Variants in ATPSCKMT observed in about 807,000 individuals in gnomAD.
ATPSCKMT encodes the protein ATP synthase subunit C lysine N-methyltransferase.
A neutral mutation model predicts 24.3 loss-of-function variants in ATPSCKMT; 24 were observed. The ratio of observed to expected loss-of-function variants is 0.99; its 90% CI spans 0.71 to 1.39. The LOEUF (loss-of-function observed/expected upper bound fraction) is 1.39, where lower values mean the gene tolerates loss of function less well. ATPSCKMT is among the 40% of genes most tolerant of loss of function. The pLI is 0.00. For synonymous variants in ATPSCKMT, 95 were observed against 110.5 expected, an observed-to-expected ratio of 0.86 and a Z score of 0.88; for missense variants, 311 against 298.4, an observed-to-expected ratio of 1.04 and a Z score of -0.31.
chr5:10,245,263 C>G (rs972323991), intron 1 of ATPSCKMT, among the ~76,000 whole-genome samples: 1 of 150,946 alleles, frequency 6.6e-6, no homozygotes, highest in African/African-American at 2.4e-5. Context: ...TACTAAAAAT[C>G]AAAAAAATTA....
intron 1 of ATPSCKMT, among the ~76,000 whole-genome samples, chr5:10,247,370 T>C (rs1243282907): frequency 1.3e-5 from 2 of 152,228 alleles, no homozygotes; most frequent in Non-Finnish European, 2.9e-5. Context: ...CGATGGGGTC[T>C]CACTCTGTCG....
At chr5:10,230,195 C>A (rs1744062856) in intron 4 of ATPSCKMT, among the ~76,000 whole-genome samples, 1 of 151,830 alleles carries the variant, frequency 6.6e-6, no homozygotes. Flanking sequence ...TCATTAGAAT[C>A]AATGCGAAGA....
chr5:10,249,017 C>T (rs1212769717), intron 1 of ATPSCKMT, among the ~76,000 whole-genome samples: 1 of 152,062 alleles, frequency 6.6e-6, no homozygotes, highest in African/African-American at 2.4e-5. Flanking sequence ...GGCTCAGGCC[C>T]AACACTTGGG....
At chr5:10,247,272 G>A (rs1240184521) in intron 1 of ATPSCKMT, among the ~76,000 whole-genome samples, 1 of 152,240 alleles carries the variant, frequency 6.6e-6, no homozygotes, top group Non-Finnish European at 1.5e-5. Context: ...AGCTTTGGAA[G>A]AAGTTACTAT....
chr5:10,244,909 C>A (rs1315177558), intron 1 of ATPSCKMT, among the ~76,000 whole-genome samples: 114 of 137,108 alleles, frequency 8.3e-4, no homozygotes, highest in Middle Eastern at 3.7e-3. Flanking sequence ...CCCTGGTTGT[C>A]AAAAAAAAAA....
chr5:10,228,252 A>C (rs1425813450), intron 4 of ATPSCKMT, among the ~76,000 whole-genome samples: 1 of 152,220 alleles, frequency 6.6e-6, no homozygotes, highest in Non-Finnish European at 1.5e-5. Flanking sequence ...GCAATGGTGC[A>C]TCCTAAAATC....
chr5:10,240,054 A>C (rs2607323), intron 1 of ATPSCKMT, among the ~76,000 whole-genome samples: 2 of 149,146 alleles, frequency 1.3e-5, no homozygotes. Flanking sequence ...GTGAAACCCC[A>C]TCTCTACTAA....
chr5:10,240,981 A>C (rs1300301168), intron 1 of ATPSCKMT, among the ~76,000 whole-genome samples: 2 of 145,942 alleles, frequency 1.4e-5, no homozygotes, highest in African/African-American at 5.2e-5. Context: ...GGGCAACAAG[A>C]GTGAAACTCC....
intron 1 of ATPSCKMT, chr5:10,249,608 A>T: frequency 2.0e-6 from 1 of 490,392 alleles, no homozygotes; most frequent in Non-Finnish European, 3.5e-6. Flanking sequence ...CCAAAGGCTG[A>T]GTCACTTGCA....
chr5:10,238,332 G>A (rs760700072), intron 2 of ATPSCKMT, among the ~76,000 whole-genome samples: 16 of 152,018 alleles, frequency 1.1e-4, no homozygotes, highest in Non-Finnish European at 2.1e-4. Flanking sequence ...TAACCTCCTC[G>A]TGATTATTCT....
At position 10,238,847 on chromosome 5, in the gene ATPSCKMT, T is replaced by C. The variant is rs537774803; in HGVS notation, c.306+220A>G. 5.2e-4 allele frequency among the ~76,000 whole-genome samples: 79 copies of C among 152,346 alleles called. 1 individual carries two copies. Among genetic ancestry groups the C allele is most frequent in the Middle Eastern group, 3.4e-3 (1 of 294 alleles). ...GTTAACTGTTCTTTTTCACCTGGCA[T>C]GTTTACAGCACACTTCCTCCTTTAA... On this transcript the variant is annotated intron_variant, in intron 2 of 4. Coordinates refer to ENST00000511437, the MANE Select transcript of ATPSCKMT (RefSeq NM_199133.4).
chr5:10,238,423 T>C (rs914809791), intron 2 of ATPSCKMT, among the ~76,000 whole-genome samples: 1 of 152,218 alleles, frequency 6.6e-6, no homozygotes, highest in Non-Finnish European at 1.5e-5. Flanking sequence ...TCACACTAAA[T>C]GCTTCCATAG....
At chr5:10,244,178 T>C (rs565818703) in intron 1 of ATPSCKMT, among the ~76,000 whole-genome samples, 1 of 152,332 alleles carries the variant, frequency 6.6e-6, no homozygotes, top group Admixed American at 6.5e-5. Flanking sequence ...TTCACTCTTA[T>C]TTGGGCATGG....
chr5:10,232,663 C>T (rs1383288105), intron 4 of ATPSCKMT, among the ~76,000 whole-genome samples: 1 of 152,230 alleles, frequency 6.6e-6, no homozygotes, highest in Non-Finnish European at 1.5e-5. Context: ...GAAGGAAACA[C>T]CCCAGGCTCT....
intron 1 of ATPSCKMT, among the ~76,000 whole-genome samples, chr5:10,239,965 G>A (rs1286634397): frequency 2.0e-5 from 3 of 152,074 alleles, no homozygotes; most frequent in Non-Finnish European, 2.9e-5. Flanking sequence ...GGTGGTTCAC[G>A]CCTGTAATCC....
intron 1 of ATPSCKMT, among the ~76,000 whole-genome samples, chr5:10,241,008 A>G (rs974225868): frequency 2.0e-5 from 3 of 151,932 alleles, no homozygotes; most frequent in African/African-American, 4.8e-5. Context: ...AAAAAAAAAA[A>G]AAAGAAAAGA....
At chr5:10,231,672 T>G (rs1287842183) in intron 4 of ATPSCKMT, among the ~76,000 whole-genome samples, 1 of 152,054 alleles carries the variant, frequency 6.6e-6, no homozygotes, top group Non-Finnish European at 1.5e-5. Context: ...CTTTTGCTTC[T>G]GCTGTATGAT....
At chr5:10,231,170 G>A (rs977680665) in intron 4 of ATPSCKMT, among the ~76,000 whole-genome samples, 4 of 152,080 alleles carry the variant, frequency 2.6e-5, no homozygotes, top group Non-Finnish European at 5.9e-5. Flanking sequence ...ACTTCCCAAG[G>A]CAACTCCAAA....
intron 3 of ATPSCKMT, among the ~76,000 whole-genome samples, chr5:10,235,591 C>G (rs1394512431): frequency 6.6e-6 from 1 of 152,208 alleles, no homozygotes; most frequent in Non-Finnish European, 1.5e-5. Context: ...CTGTGACCAG[C>G]TGGTGGCACC....
Sources: gnomAD v4.1 joint callset for allele counts (sites outside exome capture counted in the v4.1 genomes callset) on GRCh38, gnomAD v4.1.1 for gene constraint, MANE v1.5 for transcripts, NCBI Gene and HGNC (gene_info 2026-07-23, HGNC 2026-07-21) for gene names.